The following KIF5C variants were observed in gnomAD, a reference collection of about 807,000 sequenced individuals.
The protein encoded by KIF5C is kinesin family member 5C.
Under a neutral mutation model 125.2 loss-of-function variants are expected in KIF5C, and 18 were observed. The ratio of observed to expected loss-of-function variants is 0.14; its 90% confidence interval spans 0.10 to 0.21. KIF5C has a LOEUF of 0.21. Ranked by LOEUF, KIF5C falls within the 10% of genes least tolerant of loss-of-function variation. KIF5C has a pLI of 1.00. For synonymous variants in KIF5C, 405 were observed against 434.0 expected (o/e 0.93, Z 0.83); for missense variants, 780 against 1,183.8 (o/e 0.66, Z 5.01).
intron 12 of KIF5C, among the ~76,000 whole-genome samples, chr2:148,978,257 G>A (rs1681130918): frequency 6.7e-6 from 1 of 149,986 alleles, no homozygotes; most frequent in Non-Finnish European, 1.5e-5. Context: ...AGAGTGAGAA[G>A]AGCGAATTTG....
chr2:148,938,702 C>G (rs1574768888), intron 4 of KIF5C, among the ~76,000 whole-genome samples: 1 of 152,246 alleles, frequency 6.6e-6, no homozygotes, highest in East Asian at 1.9e-4. Flanking sequence ...AGAAGCCTCG[C>G]TAAGCAGATC....
chr2:148,880,964 T>C (rs374539411), intron 1 of KIF5C, among the ~76,000 whole-genome samples: 9 of 151,788 alleles, frequency 5.9e-5, no homozygotes, highest in African/African-American at 1.9e-4. Flanking sequence ...GTTTTTTTTT[T>C]TTTTTTTCAA....
chr2:148,937,416 A>G lies in KIF5C; in HGVS notation c.396+28A>G, dbSNP rs1682313171. On this transcript the variant is annotated intron_variant, in intron 4 of 25. Transcript: ENST00000435030. ...ACGTATTACTGATTGGTCCCCAGAGAAGACACTGGGCCCCAGATAACGTTT... is the reference window on the plus strand; with the variant it reads ...ACGTATTACTGATTGGTCCCCAGAGGAGACACTGGGCCCCAGATAACGTTT... 5.1e-6 allele frequency: 8 copies of G among 1,558,344 alleles called. No individual in the cohort carries two copies. The East Asian group carries it at 1.9e-4, about 37-fold the overall frequency.
chr2:149,000,303 G>T, intron 19 of KIF5C, 120 bp from the exon 20 acceptor site: 4 of 1,267,736 alleles, frequency 3.2e-6, no homozygotes, highest in Non-Finnish European at 3.2e-6. Context: ...TCCAAATCCT[G>T]CAGAATTACT....
chr2:148,978,445 G>A (rs1433216939), intron 12 of KIF5C, among the ~76,000 whole-genome samples: 2 of 150,754 alleles, frequency 1.3e-5, no homozygotes, highest in East Asian at 3.9e-4. Flanking sequence ...GGTCTGAGAG[G>A]TTTGAAGTGG....
At chr2:148,929,774 C>T (rs991236311) in intron 3 of KIF5C, among the ~76,000 whole-genome samples, 1 of 151,470 alleles carries the variant, frequency 6.6e-6, no homozygotes, top group Non-Finnish European at 1.5e-5. Flanking sequence ...GCTTGTGGGC[C>T]ACGTTCAGCC....
At position 148,875,575 on chromosome 2, in the gene KIF5C, G is replaced by GCCCCCCCCCCCCCCCCCGTCCCC; in HGVS notation, c.-37_-36insCCCCCCCCCCCGTCCCCCCCCCC. 2.9e-6 allele frequency: 2 copies of GCCCCCCCCCCCCCCCCCGTCCCC among 699,606 alleles called. No homozygotes were observed. Among genetic ancestry groups the GCCCCCCCCCCCCCCCCCGTCCCC allele is most frequent in the Non-Finnish European group, 5.1e-6 (2 of 389,230 alleles). The allele number at this position is 699,606 out of a possible 1,614,324, so 43.3% of individuals were successfully genotyped here. On this transcript the variant is annotated 5_prime_UTR_variant, in exon 1 of 26. Transcript: ENST00000435030. ...TCCTCCCTCGTCGTTCCCGGCCCCG[G>GCCCCCCCCCCCCCCCCCGTCCCC]CCCCCCACCCATCCCCGTGCCCCCT...
chr2:148,960,771 G>A (rs545502653), intron 10 of KIF5C, among the ~76,000 whole-genome samples: 5 of 152,316 alleles, frequency 3.3e-5, no homozygotes, highest in East Asian at 1.9e-4. Flanking sequence ...TAATTAACCC[G>A]AATCACAAAT....
intron 1 of KIF5C, among the ~76,000 whole-genome samples, chr2:148,912,471 G>T (rs1209597533): frequency 6.6e-6 from 1 of 152,218 alleles, no homozygotes; most frequent in Non-Finnish European, 1.5e-5. Flanking sequence ...TGGAGTCAGG[G>T]TCTTGCTCTG....
At chr2:148,968,592 A>T (rs1251967398) in intron 11 of KIF5C, among the ~76,000 whole-genome samples, 2 of 152,112 alleles carry the variant, frequency 1.3e-5, no homozygotes, top group African/African-American at 2.4e-5. Context: ...TACTAAGAGA[A>T]TGTTGTGGCC....
chr2:148,943,465 G>C (rs995486305), intron 7 of KIF5C, among the ~76,000 whole-genome samples: 1 of 152,184 alleles, frequency 6.6e-6, no homozygotes, highest in Non-Finnish European at 1.5e-5. Flanking sequence ...GAAGCTGAGA[G>C]AACTAAGGGT....
chr2:148,979,782 T>G (rs1297308533), intron 13 of KIF5C, among the ~76,000 whole-genome samples: 1 of 152,226 alleles, frequency 6.6e-6, no homozygotes, highest in East Asian at 1.9e-4. Flanking sequence ...GTCAGCATGT[T>G]TGATACACTA....
chr2:148,908,742 T>A (rs900242384), intron 1 of KIF5C, among the ~76,000 whole-genome samples: 1 of 152,234 alleles, frequency 6.6e-6, no homozygotes, highest in African/African-American at 2.4e-5. Flanking sequence ...GAATCAGTCA[T>A]AACTGTTTAG....
rs560119808 is a variant in KIF5C, at chr2:148,922,148, A to G, written c.138A>G (p.Pro46=). The change falls in exon 2 of 26, where the codon CCA becomes CCG. Residue 46 remains proline, a synonymous_variant. Transcript: ENST00000435030. The stretch of plus-strand genomic sequence containing the variant: ...TCTTTCTTTTTTAGCAAGGGAAGCC[A>G]TATGTCTTCGACAGAGTGCTACCTC... ...DETVVIGQGK[P]YVFDRVLPPN... The G allele has an allele frequency of 9.9e-4, 1,591 of 1,607,922 alleles. 29 individuals are homozygous for G. The South Asian group carries it at 0.017, about 17-fold the overall frequency.
At chr2:148,980,635 T>C (rs1558930109) in intron 13 of KIF5C, among the ~76,000 whole-genome samples, 1 of 152,042 alleles carries the variant, frequency 6.6e-6, no homozygotes, top group Non-Finnish European at 1.5e-5. Context: ...GTAAGTGTTA[T>C]TCCTTGTCAT....
At chr2:148,938,977 C>T (rs951060200) in intron 4 of KIF5C, among the ~76,000 whole-genome samples, 1 of 151,694 alleles carries the variant, frequency 6.6e-6, no homozygotes, top group African/African-American at 2.4e-5. Context: ...TGCCTATAAT[C>T]CCAGCTACTC....
At chr2:148,929,827 T>A (rs975489366) in intron 3 of KIF5C, among the ~76,000 whole-genome samples, 4 of 152,050 alleles carry the variant, frequency 2.6e-5, no homozygotes, top group Non-Finnish European at 4.4e-5. Flanking sequence ...TTTTTTTTTT[T>A]AATAGTAAGC....
chr2:148,986,605 T>C (rs1306274694), intron 15 of KIF5C, among the ~76,000 whole-genome samples: 1 of 152,240 alleles, frequency 6.6e-6, no homozygotes, highest in East Asian at 1.9e-4. Flanking sequence ...TGAATTGATA[T>C]AGTAATTCTT....
intron 1 of KIF5C, among the ~76,000 whole-genome samples, chr2:148,885,187 T>C (rs760513609): frequency 2.0e-5 from 3 of 152,168 alleles, no homozygotes; most frequent in Admixed American, 2.0e-4. Flanking sequence ...GGTTTCACCA[T>C]GTTGCCCAGG....
Sources: gnomAD v4.1 joint callset for allele counts (sites outside exome capture counted in the v4.1 genomes callset) on GRCh38, gnomAD v4.1.1 for gene constraint, MANE v1.5 for transcripts, NCBI Gene and HGNC (gene_info 2026-07-23, HGNC 2026-07-21) for gene names.